Variants in CACNB2 observed in about 807,000 individuals in gnomAD.
The protein encoded by CACNB2 is calcium voltage-gated channel auxiliary subunit beta 2.
In CACNB2, 42 loss-of-function variants were observed where a neutral mutation model predicts 73.3. The ratio of observed to expected loss-of-function variants is 0.57; its 90% CI spans 0.45 to 0.74. The LOEUF (loss-of-function observed/expected upper bound fraction) is 0.74. Ranked by LOEUF, CACNB2 falls within the 30% of genes least tolerant of loss-of-function variation. CACNB2 has a pLI of 0.00. For missense variants in CACNB2, 940 were observed against 853.0 expected (o/e 1.10, Z -1.27); for synonymous variants, 348 against 310.3 (o/e 1.12, Z -1.28).
At chr10:18,481,801 T>C (rs2132851119) in intron 3 of CACNB2, among the ~76,000 whole-genome samples, 1 of 152,318 alleles carries the variant, frequency 6.6e-6, no homozygotes, top group South Asian at 2.1e-4. Flanking sequence ...GTTGATTAAA[T>C]AAGCTATATC....
intron 2 of CACNB2, among the ~76,000 whole-genome samples, chr10:18,225,918 G>T (rs2035974369): frequency 6.6e-6 from 1 of 152,172 alleles, no homozygotes; most frequent in Non-Finnish European, 1.5e-5. Context: ...GGGATTACAG[G>T]TGTGAAGCAC....
chr10:18,323,593 C>T (rs1469351772), intron 2 of CACNB2, among the ~76,000 whole-genome samples: 3 of 152,088 alleles, frequency 2.0e-5, no homozygotes, highest in Non-Finnish European at 4.4e-5. Flanking sequence ...CACTTGGATT[C>T]CATATTTCCA....
rs553402190 is a variant in CACNB2 at position 18,338,738 on chromosome 10, C to CTTTTTTT, written c.214-63172_214-63166dup. On this transcript the variant is annotated intron_variant, in intron 2 of 13. Transcript: ENST00000324631. ...CCTTCCTGCCTTCTTTCCTTCTTTC[C>CTTTTTTT]TTTTTTTTTTTTTTTTTTTTGAAAG... 3.9e-5 allele frequency among the ~76,000 whole-genome samples: 4 copies of CTTTTTTT among 102,436 alleles called. No homozygotes were observed. In the East Asian group the frequency reaches 8.2e-4, roughly 21 times the overall value. The allele number at this position is 102,436 out of a possible 152,430, so 67.2% of individuals were successfully genotyped here. A position where few individuals can be genotyped will look rare whatever the true frequency, so the allele number is the denominator to read the frequency against.
At chr10:18,529,155 ATAAAT>A (rs2052753426) in intron 10 of CACNB2, among the ~76,000 whole-genome samples, 1 of 152,252 alleles carries the variant, frequency 6.6e-6, no homozygotes, top group South Asian at 2.1e-4. Flanking sequence ...TGCTTATTTC[ATAAAT>A]TAAACTGAAT....
At chr10:18,416,929 C>T (rs1406919498) in intron 3 of CACNB2, among the ~76,000 whole-genome samples, 1 of 150,078 alleles carries the variant, frequency 6.7e-6, no homozygotes, top group South Asian at 2.1e-4. Flanking sequence ...AGAATTAGGG[C>T]AAGGACCCAG....
chr10:18,499,690 G>C (rs2133026028), intron 4 of CACNB2, among the ~76,000 whole-genome samples: 1 of 145,916 alleles, frequency 6.9e-6, no homozygotes, highest in African/African-American at 2.5e-5. Flanking sequence ...CAAGCACTAA[G>C]AACCTAGAAG....
rs151075106 is a variant in CACNB2, at chr10:18,430,559, G to A, written c.333+28516G>A. ...GTGGGAGGATCCCTGGAGCCCAGGA[G>A]GTTGAGGCAGCAGTGAGCCGTGATT... On this transcript the variant is annotated intron_variant, in intron 3 of 13. Transcript: ENST00000324631. Among the ~76,000 whole-genome samples the A allele has an allele frequency of 2.8e-3, 424 of 152,274 alleles. 3 individuals carry two copies. Among genetic ancestry groups the A allele is most frequent in the African/African-American group, 9.9e-3 (412 of 41,556 alleles).
intron 3 of CACNB2, among the ~76,000 whole-genome samples, chr10:18,436,450 A>G (rs1227058878): frequency 1.3e-5 from 2 of 152,234 alleles, no homozygotes; most frequent in African/African-American, 2.4e-5. Flanking sequence ...CTTCTTTTCT[A>G]TTAATCATTG....
At chr10:18,263,327 C>T (rs897346015) in intron 2 of CACNB2, among the ~76,000 whole-genome samples, 1 of 152,150 alleles carries the variant, frequency 6.6e-6, no homozygotes, top group African/African-American at 2.4e-5. Flanking sequence ...CAAAGGGCAG[C>T]CAGACCCCTA....
chr10:18,503,834 AT>A (rs747536242), intron 5 of CACNB2, among the ~76,000 whole-genome samples: 2 of 152,250 alleles, frequency 1.3e-5, no homozygotes, highest in South Asian at 2.1e-4. Context: ...TTACTTCAGG[AT>A]TTTTTTATAG....
chr10:18,312,150 A>C (rs2039988708), intron 2 of CACNB2, among the ~76,000 whole-genome samples: 1 of 152,218 alleles, frequency 6.6e-6, no homozygotes, highest in South Asian at 2.1e-4. Flanking sequence ...TAAAATGATA[A>C]ATATGGTGAA....
intron 2 of CACNB2, among the ~76,000 whole-genome samples, chr10:18,354,247 A>C (rs915204863): frequency 5.9e-5 from 9 of 152,214 alleles, no homozygotes; most frequent in African/African-American, 1.9e-4. Flanking sequence ...TTTAACAAAC[A>C]CTTGTTAAGT....
chr10:18,413,728 T>C (rs1414163519), intron 3 of CACNB2, among the ~76,000 whole-genome samples: 1 of 152,218 alleles, frequency 6.6e-6, no homozygotes, highest in African/African-American at 2.4e-5. Context: ...CTGCCTGACT[T>C]TTTGATAAAT....
At chr10:18,144,648 A>C (rs546819344) in intron 1 of CACNB2, among the ~76,000 whole-genome samples, 9 of 152,348 alleles carry the variant, frequency 5.9e-5, no homozygotes, top group Non-Finnish European at 1.0e-4. Context: ...TATGTGCTGT[A>C]AATGTGAAAT....
rs566901101 is a variant in CACNB2, at chr10:18,501,539, G to A, written c.593+591G>A. Among the ~76,000 whole-genome samples the A allele has an allele frequency of 2.8e-4, 43 of 152,354 alleles. 1 individual carries two copies. In the South Asian group the frequency reaches 7.7e-3, roughly 27 times the overall value. On this transcript the variant is annotated intron_variant, in intron 5 of 13. Transcript: ENST00000324631. Reference sequence around the variant, plus strand: ...AATAATCCCTCCTAGGATTTGTGAGGTTGTCTGTCCCTCTCTGAAAGAATC... The same window carrying A: ...AATAATCCCTCCTAGGATTTGTGAGATTGTCTGTCCCTCTCTGAAAGAATC...
intron 3 of CACNB2, among the ~76,000 whole-genome samples, chr10:18,454,184 C>T (rs1330187999): frequency 2.6e-5 from 4 of 152,110 alleles, no homozygotes; most frequent in Admixed American, 2.6e-4. Context: ...GGTTCTGTCC[C>T]TTAGGAACAT....
At position 18,514,239 on chromosome 10, in the gene CACNB2, T is replaced by C. The variant is rs772796787; in HGVS notation, c.674T>C (p.Ile225Thr). ...TTTTTGAATTGTCTGTATATAGCTA[T>C]AGACATAGATGCTACTGGCTTAGAT... The part of the protein sequence containing the change: ...SRKSTPPSSA[I>T]DIDATGLDAE... Residue 225 changes from isoleucine to threonine, a missense_variant, in exon 7 of 14, where the codon ATA (isoleucine) becomes ACA (threonine). Ile to Thr is a moderately conservative substitution (Grantham distance 89). Coordinates refer to ENST00000324631, the MANE Select transcript of CACNB2 (RefSeq NM_201596.3). 6 of 1,614,078 alleles carry C rather than the reference T, an allele frequency of 3.7e-6. No individual in the cohort carries two copies. Among genetic ancestry groups the C allele is most frequent in the South Asian group, 2.2e-5 (2 of 91,076 alleles).
chr10:18,347,790 G>A (rs959798662), intron 2 of CACNB2, among the ~76,000 whole-genome samples: 3 of 152,118 alleles, frequency 2.0e-5, no homozygotes, highest in Non-Finnish European at 4.4e-5. Flanking sequence ...AATCTGATGA[G>A]CCTGAGATCC....
intron 2 of CACNB2, among the ~76,000 whole-genome samples, chr10:18,300,642 A>G (rs568919808): frequency 2.6e-5 from 4 of 152,298 alleles, no homozygotes; most frequent in Admixed American, 2.6e-4. Context: ...CGAGGTCAGG[A>G]GTTCAAGACC....
Sources: allele counts gnomAD v4.1 joint callset (sites outside exome capture counted in the v4.1 genomes callset), GRCh38; gene constraint gnomAD v4.1.1; transcripts MANE v1.5; gene names NCBI Gene and HGNC (gene_info 2026-07-23, HGNC 2026-07-21).